Variants in RAB5A observed in about 807,000 individuals in gnomAD.
RAB5A encodes RAB5A, member RAS oncogene family, also known as ras-related protein Rab-5A.
Under a neutral mutation model 25.7 loss-of-function variants are expected in RAB5A, and 8 were observed. The observed-to-expected ratio is 0.31, with a 90% CI of 0.18 to 0.56. The LOEUF (loss-of-function observed/expected upper bound fraction) is 0.56, where lower values mean the gene tolerates loss of function less well. Among genes scored for constraint, RAB5A ranks in the 20% least tolerant of loss-of-function variants. The probability of loss-of-function intolerance (pLI) is 0.91; values close to 1 mark genes in which losing one functional copy is unlikely to be tolerated. For synonymous variants in RAB5A, 98 were observed against 89.8 expected, an observed-to-expected ratio of 1.09 and a Z score of -0.52; for missense variants, 192 against 259.7, an observed-to-expected ratio of 0.74 and a Z score of 1.79.
chr3:19,954,664 G>A (rs1328733791), intron 2 of RAB5A, among the ~76,000 whole-genome samples: 1 of 152,016 alleles, frequency 6.6e-6, no homozygotes, highest in Non-Finnish European at 1.5e-5. Context: ...CAAAAAATAC[G>A]AAAATTAACC....
chr3:19,966,839 C>T (rs1216848492), intron 2 of RAB5A, among the ~76,000 whole-genome samples: 1 of 152,182 alleles, frequency 6.6e-6, no homozygotes, highest in Non-Finnish European at 1.5e-5. Flanking sequence ...GGGTCTCACT[C>T]TGTCACCCAG....
chr3:19,949,652 A>G (rs1181307457), intron 1 of RAB5A, among the ~76,000 whole-genome samples: 1 of 152,242 alleles, frequency 6.6e-6, no homozygotes, highest in Non-Finnish European at 1.5e-5. Flanking sequence ...TGGATTGAAA[A>G]AGGTTCTTCA....
intron 2 of RAB5A, among the ~76,000 whole-genome samples, chr3:19,971,455 CGGT>C (rs563319679): frequency 4.0e-5 from 6 of 151,628 alleles, no homozygotes; most frequent in East Asian, 3.9e-4. Context: ...AACAGTAGTA[CGGT>C]GGTGGTGGTG....
In RAB5A at chr3:19,977,103, G is replaced by A. The variant is rs187283646; in HGVS notation, c.438+934G>A. On this transcript the variant is annotated intron_variant, in intron 4 of 5. Transcript: ENST00000273047. ...TTTTTTTTTTTTAAGATGGAGTCTT[G>A]CTCAGTTGCCCAGGCTGGAGTGCAG... Among the ~76,000 whole-genome samples the A allele has an allele frequency of 4.6e-4, 68 of 147,314 alleles. 1 individual carries two copies. In the East Asian group the frequency reaches 0.013, roughly 29 times the overall value.
At position 19,984,121 on chromosome 3, in the gene RAB5A, G is replaced by A. The variant is rs908074465; in HGVS notation, c.*298G>A. ...GGAATATAGACAAATGACTGTCTGGGCCCACACAGTTAACCAGCCCATTTC... is the reference window on the plus strand; with the variant it reads ...GGAATATAGACAAATGACTGTCTGGACCCACACAGTTAACCAGCCCATTTC... On this transcript the variant is annotated 3_prime_UTR_variant, in exon 6 of 6. Coordinates refer to ENST00000273047, the MANE Select transcript of RAB5A (RefSeq NM_004162.5). 7.3e-6 allele frequency: 3 copies of A among 410,818 alleles called. No individual in the cohort carries two copies. Among genetic ancestry groups the A allele is most frequent in the Non-Finnish European group, 1.4e-5 (3 of 219,026 alleles). 25.4% of individuals were successfully genotyped at this position (410,818 alleles called of 1,614,324 possible). A position where few individuals can be genotyped will look rare whatever the true frequency, so the allele number is the denominator to read the frequency against.
intron 3 of RAB5A, 23 bp from the exon 4 acceptor site, chr3:19,976,024 A>G (rs1696819889): frequency 3.1e-6 from 5 of 1,602,376 alleles, no homozygotes; most frequent in South Asian, 1.1e-5. Flanking sequence ...CCTGTGCTCA[A>G]TGGCTGTTTC....
chr3:19,958,739 G>T (rs1696541265), intron 2 of RAB5A, among the ~76,000 whole-genome samples: 1 of 152,172 alleles, frequency 6.6e-6, no homozygotes, highest in African/African-American at 2.4e-5. Flanking sequence ...AGCTATTGAG[G>T]CATTAGAATT....
chr3:19,954,779 C>T (rs1222651535), intron 2 of RAB5A, among the ~76,000 whole-genome samples: 1 of 152,142 alleles, frequency 6.6e-6, no homozygotes, highest in Non-Finnish European at 1.5e-5. Context: ...GACTGCACCA[C>T]CACACTCCAG....
At chr3:19,965,609 TA>T (rs938278427) in intron 2 of RAB5A, among the ~76,000 whole-genome samples, 4 of 152,206 alleles carry the variant, frequency 2.6e-5, no homozygotes, top group Non-Finnish European at 5.9e-5. Flanking sequence ...TGCTAATTTT[TA>T]TTCTTTACCT....
chr3:19,978,584 T>C (rs544836483), intron 5 of RAB5A, 181 bp downstream of exon 5: 29 of 526,118 alleles, frequency 5.5e-5, no homozygotes, highest in Middle Eastern at 4.3e-4. Context: ...CAAAACAATA[T>C]TTTGTTGGTA....
chr3:19,960,784 G>A lies in RAB5A; in HGVS notation c.163+9723G>A, dbSNP rs562170174. Among the ~76,000 whole-genome samples, 12 of 152,264 alleles carry A rather than the reference G, an allele frequency of 7.9e-5. No homozygotes were observed. The East Asian group carries it at 2.1e-3, about 27-fold the overall frequency. On this transcript the variant is annotated intron_variant, in intron 2 of 5. Transcript: ENST00000273047. ...TGTTGCTAAACAGCATTCATCCTCC[G>A]TTTGAGGAAAGGTAGAAGCAGGATG...
chr3:19,976,310 C>T lies in RAB5A; in HGVS notation c.438+141C>T, dbSNP rs983819869. The T allele has an allele frequency of 7.6e-6, 7 of 915,686 alleles. No individual in the cohort carries two copies. In the African/African-American group the frequency reaches 1.2e-4, roughly 16 times the overall value. The allele number at this position is 915,686 out of a possible 1,614,324, so 56.7% of individuals were successfully genotyped here. ...TTTTTAAAACAAATATAAAGTACTA[C>T]ATATAATAAAATGTTTCTGATAAAC... On this transcript the variant is annotated intron_variant, in intron 4 of 5. Coordinates refer to ENST00000273047, the MANE Select transcript of RAB5A (RefSeq NM_004162.5).
rs1334143809 is a variant in RAB5A, at chr3:19,969,033, TTTTTTTTTTTGG to T, written c.164-6557_164-6546del. ...CAAATTGGTGTTTTTTGGTTTTGGT[TTTTTTTTTTTGG>T]TTTTTTTTTTTTTTTTGAGATGGAG... is the stretch of plus-strand genomic sequence containing the variant. On this transcript the variant is annotated intron_variant, in intron 2 of 5. Coordinates refer to ENST00000273047, the MANE Select transcript of RAB5A (RefSeq NM_004162.5). 9.2e-3 allele frequency among the ~76,000 whole-genome samples: 1,176 copies of T among 127,434 alleles called. 17 individuals carry two copies. Among genetic ancestry groups the T allele is most frequent in the African/African-American group, 0.032 (1,023 of 32,148 alleles). 83.6% of individuals were successfully genotyped at this position (127,434 alleles called of 152,430 possible). A position where few individuals can be genotyped will look rare whatever the true frequency, so the allele number is the denominator to read the frequency against.
intron 2 of RAB5A, among the ~76,000 whole-genome samples, chr3:19,971,675 A>G (rs1024938848): frequency 6.6e-6 from 1 of 152,108 alleles, no homozygotes; most frequent in African/African-American, 2.4e-5. Context: ...AGGTTTCGCC[A>G]TACCGGTCAG....
chr3:19,951,009 G>C lies in RAB5A; in HGVS notation c.111G>C (p.Val37=), dbSNP rs1320847310. Residue 37 remains valine (V), a synonymous_variant, in exon 2 of 6, where the codon GTG becomes GTC. Coordinates refer to ENST00000273047, the MANE Select transcript of RAB5A (RefSeq NM_004162.5). ...GESAVGKSSL[V]LRFVKGQFHE... ...CCGCTGTTGGCAAATCAAGCCTAGT[G>C]CTTCGTTTTGTGAAAGGCCAATTTC... 1.2e-6 allele frequency: 2 copies of C among 1,613,932 alleles called. No homozygotes were observed. Among genetic ancestry groups the C allele is most frequent in the African/African-American group, 2.7e-5 (2 of 74,938 alleles).
intron 2 of RAB5A, among the ~76,000 whole-genome samples, chr3:19,961,739 C>T (rs1335077601): frequency 6.6e-6 from 1 of 152,148 alleles, no homozygotes. Context: ...CCACTCAGTT[C>T]TTTTTCCCAA....
intron 1 of RAB5A, among the ~76,000 whole-genome samples, chr3:19,950,080 A>G (rs1696401083): frequency 6.6e-6 from 1 of 152,220 alleles, no homozygotes; most frequent in Non-Finnish European, 1.5e-5. Context: ...TGTTCGTCTA[A>G]AGACTACAAA....
chr3:19,951,495 A>G (rs1696421525), intron 2 of RAB5A, among the ~76,000 whole-genome samples: 1 of 152,164 alleles, frequency 6.6e-6, no homozygotes, highest in South Asian at 2.1e-4. Context: ...ACTTACTTGT[A>G]AAATTAAATG....
intron 2 of RAB5A, among the ~76,000 whole-genome samples, chr3:19,959,411 A>G (rs1696551518): frequency 6.6e-6 from 1 of 151,718 alleles, no homozygotes; most frequent in Non-Finnish European, 1.5e-5. Flanking sequence ...ATTAAGCCTA[A>G]ATCTCCAACT....
Sources: allele counts gnomAD v4.1 joint callset (sites outside exome capture counted in the v4.1 genomes callset), GRCh38; gene constraint gnomAD v4.1.1; transcripts MANE v1.5; gene names NCBI Gene and HGNC (gene_info 2026-07-23, HGNC 2026-07-21).